The following SSU72 variants were observed in gnomAD, a reference collection of about 807,000 sequenced individuals.
SSU72 encodes SSU72 homolog, RNA polymerase II CTD phosphatase.
SSU72 carries 12 observed loss-of-function variants against 22.7 expected under a neutral mutation model. That is an observed-to-expected ratio of 0.53 (90% CI 0.34 to 0.86). The LOEUF (loss-of-function observed/expected upper bound fraction) is 0.86, where lower values mean the gene tolerates loss of function less well. SSU72 is among the 40% of genes least tolerant of loss of function. The probability of loss-of-function intolerance (pLI) is 0.02; values close to 1 mark genes in which losing one functional copy is unlikely to be tolerated. For synonymous variants in SSU72, 116 were observed against 98.3 expected (o/e 1.18, Z -1.06); for missense variants, 151 against 249.8 (o/e 0.60, Z 2.67).
chr1:1,543,937 C>T lies in SSU72; in HGVS notation c.415G>A (p.Val139Met), dbSNP rs1642358178. Residue 139 changes from valine (V) to methionine (M), a missense_variant, in exon 4 of 5, where the codon GTG (valine) becomes ATG (methionine). Val to Met is a conservative substitution (Grantham distance 21). Coordinates refer to ENST00000291386, the MANE Select transcript of SSU72 (RefSeq NM_014188.3). Reference sequence around the variant, plus strand: ...TCCTCGTGGTTGTCCTGGATGTCCACATTGACCACGTGCACAGGCTGGCAG... The same window carrying T: ...TCCTCGTGGTTGTCCTGGATGTCCATATTGACCACGTGCACAGGCTGGCAG... ...ETCQPVHVVN[V>M]DIQDNHEEAT... The T allele has an allele frequency of 1.9e-6, 3 of 1,613,992 alleles. No homozygotes were observed. Among genetic ancestry groups the T allele is most frequent in the Non-Finnish European group, 1.7e-6 (2 of 1,180,000 alleles).
rs116580437 is a variant in SSU72 at position 1,547,751 on chromosome 1, G to C, written c.225-2749C>G. On this transcript the variant is annotated intron_variant, in intron 2 of 4. Coordinates refer to ENST00000291386, the MANE Select transcript of SSU72 (RefSeq NM_014188.3). ...GCCACGGGGAGGCTGAGCAGGTTTC[G>C]GGCCTGCGTGCGAGAGCCTGCTCTT... 4.3e-3 allele frequency among the ~76,000 whole-genome samples: 651 copies of C among 152,276 alleles called. 4 individuals are homozygous for C. The highest frequency in any genetic ancestry group is 0.015 in the African/African-American group (616 of 41,560).
At chr1:1,557,697 C>T (rs916207026) in intron 2 of SSU72, among the ~76,000 whole-genome samples, 30 of 151,520 alleles carry the variant, frequency 2.0e-4, no homozygotes, top group African/African-American at 7.0e-4. Context: ...ACTCAGGATG[C>T]TGAGGCAGGA....
At position 1,568,897 on chromosome 1, in the gene SSU72, C is replaced by T. The variant is rs182721391; in HGVS notation, c.81-3981G>A. On this transcript the variant is annotated intron_variant, in intron 1 of 4. Coordinates refer to ENST00000291386, the MANE Select transcript of SSU72 (RefSeq NM_014188.3). ...AAATAAATAAATAAATAAGGCCAGG[C>T]ACGGTGGCTCACGCCTGTAATCCCA... 8.1e-4 allele frequency among the ~76,000 whole-genome samples: 123 copies of T among 152,136 alleles called. 1 individual carries two copies. Among genetic ancestry groups the T allele is most frequent in the African/African-American group, 2.9e-3 (120 of 41,482 alleles).
intron 2 of SSU72, 121 bp from the exon 3 acceptor site, chr1:1,545,123 C>A: frequency 8.1e-7 from 1 of 1,240,080 alleles, no homozygotes; most frequent in African/African-American, 1.5e-5. Flanking sequence ...GGGACGAAGG[C>A]CTGGACAGCG....
At chr1:1,543,114 G>A (rs1443053113) in intron 4 of SSU72, among the ~76,000 whole-genome samples, 3 of 152,242 alleles carry the variant, frequency 2.0e-5, no homozygotes, top group African/African-American at 4.8e-5. Flanking sequence ...AGGTCCTTTC[G>A]TCACAGCCCA....
Position 1,542,221 on chromosome 1 carries a change from C to T in SSU72, c.484-54G>A, listed in dbSNP as rs1264335999. ...TTGCCCACTCCTGCCTGTCTGCTCC[C>T]CCTAACACCTGGATCGCCAGGGAAA... On this transcript the variant is annotated intron_variant, in intron 4 of 4. Transcript: ENST00000291386. This position sits in a 1 kb window ranked among gnomAD's most constrained non-coding sequence, Gnocchi z 4.4. 13 of 1,513,538 alleles carry T rather than the reference C, an allele frequency of 8.6e-6. No individual in the cohort carries two copies. In the African/African-American group the frequency reaches 1.2e-4, roughly 14 times the overall value. The allele number at this position is 1,513,538 out of a possible 1,614,324, so 93.8% of individuals were successfully genotyped here. A position where few individuals can be genotyped will look rare whatever the true frequency, so the allele number is the denominator to read the frequency against.
chr1:1,544,075 TGCAGGCC>T, intron 3 of SSU72, 88 bp from the exon 4 acceptor site: 2 of 1,010,790 alleles, frequency 2.0e-6, no homozygotes, highest in Non-Finnish European at 3.0e-6. Context: ...CTCTGCCGGC[TGCAGGCC>T]CAGCCCAGCC....
At chr1:1,549,371 A>T (rs1642428680) in intron 2 of SSU72, among the ~76,000 whole-genome samples, 1 of 151,830 alleles carries the variant, frequency 6.6e-6, no homozygotes, top group Non-Finnish European at 1.5e-5. Context: ...AACACAAAAA[A>T]TTAGCCAGGC....
At position 1,556,249 on chromosome 1, in the gene SSU72, G is replaced by A. The variant is rs72472260; in HGVS notation, c.224+8524C>T. The stretch of plus-strand genomic sequence containing the variant: ...AGATGGAGACCATCCTGGCTAACAC[G>A]GTGAAACTCCATCTCTATTAAAAAT... On this transcript the variant is annotated intron_variant, in intron 2 of 4. Transcript: ENST00000291386. Among the ~76,000 whole-genome samples the A allele has an allele frequency of 2.1e-4, 32 of 152,330 alleles. No individual in the cohort carries two copies. In the East Asian group the frequency reaches 3.3e-3, roughly 16 times the overall value.
At chr1:1,553,414 C>A (rs142076286) in intron 2 of SSU72, among the ~76,000 whole-genome samples, 1 of 152,004 alleles carries the variant, frequency 6.6e-6, no homozygotes, top group Admixed American at 6.6e-5. Flanking sequence ...AGGCAGATCA[C>A]GAGGTTAGGA....
In SSU72 at chr1:1,564,788, C is replaced by T. The variant is rs757179834; in HGVS notation, c.209G>A (p.Arg70Lys). The change falls in exon 2 of 5, where the codon AGG becomes AAG. Residue 70 changes from arginine (R) to lysine (K), a missense_variant. Physicochemically the swap from Arg to Lys is conservative, Grantham distance 26 (BLOSUM62 2). Transcript: ENST00000291386. ...TYDQMYNDLLRKDKELYTQNG... is the reference protein window; with the variant it reads ...TYDQMYNDLLKKDKELYTQNG... ...GCTGGGATACAGTTCTTTGTCTTTC[C>T]TAAGAAGATCATTGTACATCTGGTC... 2 of 1,614,136 alleles carry T rather than the reference C, an allele frequency of 1.2e-6. No individual in the cohort carries two copies. The highest frequency in any genetic ancestry group is 1.7e-6 in the Non-Finnish European group (2 of 1,180,036).
intron 1 of SSU72, among the ~76,000 whole-genome samples, chr1:1,573,106 T>C (rs888077153): frequency 1.3e-5 from 2 of 149,922 alleles, no homozygotes; most frequent in Non-Finnish European, 3.0e-5. Flanking sequence ...CTGGCCAGCA[T>C]GGTGAAGCTC....
chr1:1,555,462 C>T (rs1642510386), intron 2 of SSU72, among the ~76,000 whole-genome samples: 1 of 152,196 alleles, frequency 6.6e-6, no homozygotes, highest in South Asian at 2.1e-4. Context: ...GCTGCAGGGG[C>T]CAGGTGGCGG....
Position 1,542,876 on chromosome 1 carries a change from C to T in SSU72, c.484-709G>A, listed in dbSNP as rs555404383. ...AGCAGCCACACTGGACCGTGAGGCACGTGGGGACCAGAAGCCATGCTGGGT... is the reference window on the plus strand; with the variant it reads ...AGCAGCCACACTGGACCGTGAGGCATGTGGGGACCAGAAGCCATGCTGGGT... On this transcript the variant is annotated intron_variant, in intron 4 of 4. Transcript: ENST00000291386. The surrounding 1 kb of genome is among the most constrained non-coding windows in gnomAD (Gnocchi z 4.4). Among the ~76,000 whole-genome samples the T allele has an allele frequency of 1.3e-5, 2 of 152,340 alleles. No homozygotes were observed. The highest frequency in any genetic ancestry group is 1.9e-4 in the East Asian group (1 of 5,178).
chr1:1,544,833 G>C, intron 3 of SSU72, 30 bp downstream of exon 3: 1 of 1,613,814 alleles, frequency 6.2e-7, no homozygotes, highest in Non-Finnish European at 8.5e-7. Context: ...AGCTGCTGGA[G>C]CCCAGCCCAG....
chr1:1,564,218 G>A (rs1409967521), intron 2 of SSU72: 1 of 323,462 alleles, frequency 3.1e-6, no homozygotes, highest in Non-Finnish European at 5.7e-6. Flanking sequence ...TCTCTCTATA[G>A]GAGTCTTCGC....
At chr1:1,544,700 G>T in intron 3 of SSU72, 163 bp downstream of exon 3, 1 of 910,066 alleles carries the variant, frequency 1.1e-6, no homozygotes, top group Non-Finnish European at 1.7e-6. Context: ...GTGGTTCAGC[G>T]ACCAGCGGCC....
At chr1:1,570,385 C>A (rs923994306) in intron 1 of SSU72, among the ~76,000 whole-genome samples, 3 of 151,844 alleles carry the variant, frequency 2.0e-5, no homozygotes, top group Admixed American at 2.0e-4. Context: ...ACCCTGCCGA[C>A]CAGAGGCCAG....
chr1:1,547,226 C>T (rs1326778203), intron 2 of SSU72, among the ~76,000 whole-genome samples: 4 of 152,126 alleles, frequency 2.6e-5, no homozygotes, highest in East Asian at 1.9e-4. Flanking sequence ...GGGGTGAGGC[C>T]GTGGGGGCTC....
Sources: gnomAD v4.1 joint callset for allele counts (sites outside exome capture counted in the v4.1 genomes callset) on GRCh38, gnomAD v4.1.1 for gene constraint, Gnocchi (gnomAD v3.1) non-coding constraint, MANE v1.5 for transcripts, NCBI Gene and HGNC (gene_info 2026-07-23, HGNC 2026-07-21) for gene names.